The following NIPSNAP3B variants were observed in gnomAD, a reference collection of about 807,000 sequenced individuals.
The protein encoded by NIPSNAP3B is protein NipSnap homolog 3B.
Under a neutral mutation model 31.5 loss-of-function variants are expected in NIPSNAP3B, and 30 were observed. The ratio of observed to expected loss-of-function variants is 0.95; its 90% CI spans 0.71 to 1.29. NIPSNAP3B has a LOEUF of 1.29. Ranked by LOEUF, NIPSNAP3B falls within the 50% of genes most tolerant of loss-of-function variation. The probability of loss-of-function intolerance (pLI) is 0.00; values close to 1 mark genes in which losing one functional copy is unlikely to be tolerated. For missense variants in NIPSNAP3B, 269 were observed against 300.7 expected (o/e 0.89, Z 0.78); for synonymous variants, 106 against 107.9 (o/e 0.98, Z 0.11).
chr9:104,779,008 C>T (rs2118816894), downstream of NIPSNAP3B, among the ~76,000 whole-genome samples: 1 of 152,308 alleles, frequency 6.6e-6, no homozygotes, highest in East Asian at 1.9e-4. Context: ...GACATTAGTA[C>T]AGATAGCTCT....
chr9:104,765,025 GA>G (rs1828061132), intron 1 of NIPSNAP3B, among the ~76,000 whole-genome samples: 1 of 152,116 alleles, frequency 6.6e-6, no homozygotes, highest in Non-Finnish European at 1.5e-5. Context: ...TTAAACTGTA[GA>G]TACTAAGCAG....
rs1828362851 is a variant in NIPSNAP3B, at chr9:104,777,587, G to A, written c.*4514G>A. 6.6e-6 allele frequency: 1 copy of A among 152,234 alleles called. No homozygotes were observed. Among genetic ancestry groups the A allele is most frequent in the South Asian group, 2.1e-4 (1 of 4,822 alleles). 9.4% of individuals were successfully genotyped at this position (152,234 alleles called of 1,614,324 possible). Reference sequence around the variant, plus strand: ...GAATCACAGGCTTCTGCCTTGAAAGGGCAAGTCCGTGGTGGTCATGAACCA... The same window carrying A: ...GAATCACAGGCTTCTGCCTTGAAAGAGCAAGTCCGTGGTGGTCATGAACCA... On this transcript the variant is annotated 3_prime_UTR_variant, in exon 6 of 6. Coordinates refer to ENST00000374762, the MANE Select transcript of NIPSNAP3B (RefSeq NM_018376.4).
downstream of NIPSNAP3B, among the ~76,000 whole-genome samples, chr9:104,778,471 C>A (rs1828382560): frequency 6.6e-6 from 1 of 152,156 alleles, no homozygotes. Flanking sequence ...AAGTGATCCA[C>A]CCGTCTCGGC....
chr9:104,779,742 G>C (rs1188246860), downstream of NIPSNAP3B, among the ~76,000 whole-genome samples: 3 of 151,908 alleles, frequency 2.0e-5, no homozygotes. Context: ...AAGGCTCATG[G>C]GTAGGGCCAG....
chr9:104,782,988 C>G, the NIPSNAP3B span: 1 of 152,540 alleles, frequency 6.6e-6, no homozygotes, highest in South Asian at 2.1e-4. Flanking sequence ...TAGTCTTATA[C>G]GTACGTACAT....
At chr9:104,771,246 C>T in intron 4 of NIPSNAP3B, 1 of 336,022 alleles carries the variant, frequency 3.0e-6, no homozygotes, top group Non-Finnish European at 5.5e-6. Flanking sequence ...TCACGGGGTA[C>T]ATGTGAAGAT....
rs183514449 is a variant in NIPSNAP3B, at chr9:104,766,345, G to A, written c.81G>A (p.Thr27=). The A allele has an allele frequency of 1.7e-5, 28 of 1,613,128 alleles. No homozygotes were observed. Among genetic ancestry groups the A allele is most frequent in the South Asian group, 7.7e-5 (7 of 91,036 alleles). Reference sequence around the variant, plus strand: ...TTCAGGTGTGTTCATCTTTTGCTACGGGCCCTAGACAATACGATGGAACGT... The same window carrying A: ...TTCAGGTGTGTTCATCTTTTGCTACAGGCCCTAGACAATACGATGGAACGT... ...LAPQVCSSFA[T]GPRQYDGTFY... The change falls in exon 2 of 6, where the codon ACG becomes ACA. Residue 27 remains threonine (T), a synonymous_variant. Coordinates refer to ENST00000374762, the MANE Select transcript of NIPSNAP3B (RefSeq NM_018376.4).
intron 3 of NIPSNAP3B, 105 bp downstream of exon 3, chr9:104,769,126 T>G: frequency 2.5e-6 from 2 of 797,576 alleles, no homozygotes; most frequent in Non-Finnish European, 3.7e-6. Flanking sequence ...AATTCTTTGT[T>G]TTATATAATA....
intron 4 of NIPSNAP3B, among the ~76,000 whole-genome samples, chr9:104,772,039 A>G (rs1240798963): frequency 6.6e-6 from 1 of 152,030 alleles, no homozygotes; most frequent in Non-Finnish European, 1.5e-5. Context: ...TAGAAAAGTG[A>G]CTATTCATGC....
At chr9:104,784,964 G>A in the NIPSNAP3B span, among the ~76,000 whole-genome samples, 2 of 151,966 alleles carry the variant, frequency 1.3e-5, no homozygotes, top group East Asian at 3.9e-4. Context: ...TTTCTATATC[G>A]CCCCCCACCC....
At chr9:104,778,577 T>G (rs1014292524), downstream of NIPSNAP3B, among the ~76,000 whole-genome samples, 1 of 152,190 alleles carries the variant, frequency 6.6e-6, no homozygotes, top group Non-Finnish European at 1.5e-5. Context: ...AGCTTCAGAC[T>G]GAAATACCCA....
At position 104,774,372 on chromosome 9, in the gene NIPSNAP3B, C is replaced by G. The variant is rs1340987633; in HGVS notation, c.*1299C>G. Among the ~76,000 whole-genome samples the G allele has an allele frequency of 6.6e-6, 1 of 152,200 alleles. No individual in the cohort carries two copies. The highest frequency in any genetic ancestry group is 1.5e-5 in the Non-Finnish European group (1 of 68,032). ...GTGGCAGCTTAAACAGACATACCTC[C>G]TCAGCATTCTTTTCCATGCAGAGTT... On this transcript the variant is annotated 3_prime_UTR_variant, in exon 6 of 6. Transcript: ENST00000374762.
chr9:104,769,594 C>A lies in NIPSNAP3B; in HGVS notation c.430+573C>A, dbSNP rs552761882. Among the ~76,000 whole-genome samples the A allele has an allele frequency of 4.0e-5, 6 of 151,772 alleles. No individual in the cohort carries two copies. In the East Asian group the frequency reaches 1.2e-3, roughly 29 times the overall value. ...ATATTGAAATCTAACGGATGCCTAA[C>A]AAAAGTTGACATGGTCAATACAGGT... On this transcript the variant is annotated intron_variant, in intron 3 of 5. Transcript: ENST00000374762.
chr9:104,787,124 A>G, the NIPSNAP3B span: 1 of 647,144 alleles, frequency 1.5e-6, no homozygotes, highest in Non-Finnish European at 2.6e-6. Flanking sequence ...AATTAGAGTA[A>G]CTTTCAAATT....
At chr9:104,788,396 G>A in the NIPSNAP3B span, 3 of 1,613,988 alleles carry the variant, frequency 1.9e-6, no homozygotes, top group South Asian at 3.3e-5. Context: ...TGCCAAAGGA[G>A]ACAGGCTGGC....
intron 2 of NIPSNAP3B, among the ~76,000 whole-genome samples, chr9:104,766,786 T>C (rs1378670749): frequency 2.6e-5 from 4 of 152,150 alleles, no homozygotes; most frequent in African/African-American, 9.6e-5. Context: ...CATAAAATTG[T>C]GAATTAGACT....
intron 3 of NIPSNAP3B, among the ~76,000 whole-genome samples, chr9:104,769,403 G>A (rs1019640937): frequency 8.1e-5 from 11 of 135,452 alleles, no homozygotes; most frequent in Admixed American, 2.7e-4. Flanking sequence ...CCAGTGAGCC[G>A]AGATCTCGCC....
intron 3 of NIPSNAP3B, 129 bp downstream of exon 3, chr9:104,769,150 C>T: frequency 1.6e-6 from 1 of 639,944 alleles, no homozygotes; most frequent in South Asian, 4.6e-5. Flanking sequence ...TATGATGAGT[C>T]TGGAGATAAA....
At chr9:104,765,719 A>G (rs552276242) in intron 1 of NIPSNAP3B, among the ~76,000 whole-genome samples, 1 of 152,300 alleles carries the variant, frequency 6.6e-6, no homozygotes, top group South Asian at 2.1e-4. Flanking sequence ...CCCATAGTAC[A>G]ATGCAATTGG....
Sources: allele counts gnomAD v4.1 joint callset (sites outside exome capture counted in the v4.1 genomes callset), GRCh38; gene constraint gnomAD v4.1.1; transcripts MANE v1.5; gene names NCBI Gene and HGNC (gene_info 2026-07-23, HGNC 2026-07-21).